The following ERBB4 variants were observed in gnomAD, a reference collection of about 807,000 sequenced individuals.
The protein encoded by ERBB4 is receptor tyrosine-protein kinase erbB-4.
Under a neutral mutation model 158.0 loss-of-function variants are expected in ERBB4, and 42 were observed. The ratio of observed to expected loss-of-function variants is 0.27; its 90% CI spans 0.21 to 0.34. The LOEUF (loss-of-function observed/expected upper bound fraction) is 0.34, where lower values mean the gene tolerates loss of function less well. Ranked by LOEUF, ERBB4 falls within the 10% of genes least tolerant of loss-of-function variation. The pLI is 1.00. For synonymous variants in ERBB4, 583 were observed against 558.7 expected, an observed-to-expected ratio of 1.04 and a Z score of -0.61; for missense variants, 1,333 against 1,624.1, an observed-to-expected ratio of 0.82 and a Z score of 3.08.
chr2:212,008,054 T>C (rs1177172530), intron 2 of ERBB4, among the ~76,000 whole-genome samples: 1 of 152,084 alleles, frequency 6.6e-6, no homozygotes, highest in African/African-American at 2.4e-5. Context: ...TCATCTATTT[T>C]ATTTCTAAAA....
chr2:211,736,265 T>C (rs2074597529), intron 5 of ERBB4, among the ~76,000 whole-genome samples: 1 of 152,226 alleles, frequency 6.6e-6, no homozygotes, highest in African/African-American at 2.4e-5. Flanking sequence ...AATAACAATT[T>C]ACAGTACAAA....
intron 1 of ERBB4, among the ~76,000 whole-genome samples, chr2:212,158,079 C>T (rs1304889743): frequency 6.6e-6 from 1 of 151,958 alleles, no homozygotes; most frequent in East Asian, 1.9e-4. Context: ...GAGTCTGGTC[C>T]CTGTGCTAAG....
intron 20 of ERBB4, among the ~76,000 whole-genome samples, chr2:211,494,573 G>A (rs1263856389): frequency 6.6e-6 from 1 of 152,058 alleles, no homozygotes; most frequent in African/African-American, 2.4e-5. Flanking sequence ...TTTTCTTCTT[G>A]ATATGCTTTT....
chr2:211,390,590 C>G (rs1247980307), intron 25 of ERBB4, among the ~76,000 whole-genome samples: 11 of 152,180 alleles, frequency 7.2e-5, no homozygotes, highest in Admixed American at 7.2e-4. Context: ...AGTTTATTAT[C>G]TATATTCATT....
intron 1 of ERBB4, among the ~76,000 whole-genome samples, chr2:212,497,136 C>G (rs926273890): frequency 1.3e-5 from 2 of 149,382 alleles, no homozygotes; most frequent in Non-Finnish European, 3.0e-5. Flanking sequence ...CGAGATCACA[C>G]CATTGCACTC....
At chr2:212,193,827 A>C (rs77221954) in intron 1 of ERBB4, among the ~76,000 whole-genome samples, 22,372 of 152,120 alleles carry the variant, frequency 0.15, 2,272 homozygotes, top group Non-Finnish European at 0.22. Context: ...AATACTAAAA[A>C]ATATGTCATT....
At chr2:211,754,370 G>T (rs12052854) in intron 4 of ERBB4, among the ~76,000 whole-genome samples, 46,704 of 150,332 alleles carry the variant, frequency 0.31, 7,424 homozygotes, top group South Asian at 0.43. Context: ...GTCTCAACCT[G>T]GTACGTGATT....
rs71409856 is a variant in ERBB4, at chr2:211,701,756, CAAAAAA to C, written c.1489+205_1489+210del. On this transcript the variant is annotated intron_variant, in intron 12 of 27. Coordinates refer to ENST00000342788, the MANE Select transcript of ERBB4 (RefSeq NM_005235.3). ...GGGGCAACAGAGCGAGACTCCGTCT[CAAAAAA>C]AAAAAAAAAAAAAAAAAAAAAAGAA... Among the ~76,000 whole-genome samples the C allele has an allele frequency of 0.24, 15,546 of 66,150 alleles. 711 individuals are homozygous for C. The highest frequency in any genetic ancestry group is 0.28 in the Non-Finnish European group (8,898 of 31,888). 43.4% of individuals were successfully genotyped at this position (66,150 alleles called of 152,430 possible).
intron 1 of ERBB4, among the ~76,000 whole-genome samples, chr2:212,296,659 G>T (rs1362757780): frequency 1.3e-5 from 2 of 151,894 alleles, no homozygotes; most frequent in East Asian, 1.9e-4. Flanking sequence ...CCTCTGGACT[G>T]CATCTTGTTT....
chr2:212,218,012 T>C (rs1029774350), intron 1 of ERBB4, among the ~76,000 whole-genome samples: 2 of 151,288 alleles, frequency 1.3e-5, no homozygotes, highest in African/African-American at 4.8e-5. Flanking sequence ...AAAAGTATAT[T>C]TATTGAATAC....
chr2:212,230,484 T>C (rs1292472851), intron 1 of ERBB4, among the ~76,000 whole-genome samples: 3 of 152,148 alleles, frequency 2.0e-5, no homozygotes, highest in Non-Finnish European at 4.4e-5. Flanking sequence ...TTTTGTCAAA[T>C]TGCCAAATTC....
intron 2 of ERBB4, among the ~76,000 whole-genome samples, chr2:212,055,178 G>T (rs998124222): frequency 6.6e-6 from 1 of 152,192 alleles, no homozygotes; most frequent in Non-Finnish European, 1.5e-5. Context: ...AGGGTCCCAC[G>T]CCCACAGAGC....
chr2:212,413,667 T>A (rs1306330814), intron 1 of ERBB4, among the ~76,000 whole-genome samples: 3 of 152,152 alleles, frequency 2.0e-5, no homozygotes, highest in Non-Finnish European at 4.4e-5. Context: ...GGCCCTGGGC[T>A]TGAAATCATT....
At chr2:212,343,333 T>G (rs2088814526) in intron 1 of ERBB4, among the ~76,000 whole-genome samples, 2 of 152,170 alleles carry the variant, frequency 1.3e-5, no homozygotes, top group Non-Finnish European at 1.5e-5. Flanking sequence ...TGTCTATTGC[T>G]TTAATCTATG....
intron 2 of ERBB4, among the ~76,000 whole-genome samples, chr2:212,053,204 G>A (rs571806598): frequency 5.9e-5 from 9 of 152,026 alleles, no homozygotes; most frequent in Middle Eastern, 6.8e-3. Flanking sequence ...AAATAAAATG[G>A]TACATATCAT....
chr2:212,317,525 C>G (rs1312449946), intron 1 of ERBB4, among the ~76,000 whole-genome samples: 6 of 151,522 alleles, frequency 4.0e-5, no homozygotes, highest in Non-Finnish European at 5.9e-5. Flanking sequence ...ATTTTTAATT[C>G]AAGAGATCCT....
intron 12 of ERBB4, among the ~76,000 whole-genome samples, chr2:211,681,152 T>C (rs6741480): frequency 6.6e-6 from 1 of 151,918 alleles, no homozygotes; most frequent in Non-Finnish European, 1.5e-5. Context: ...TATATAATTA[T>C]GTTGAGTTTC....
chr2:212,516,170 T>A (rs1691831353), intron 1 of ERBB4, among the ~76,000 whole-genome samples: 1 of 151,926 alleles, frequency 6.6e-6, no homozygotes, highest in African/African-American at 2.4e-5. Context: ...ATCAAGAAAG[T>A]ATTTACAAAC....
At chr2:211,492,639 C>A (rs1013121882) in intron 20 of ERBB4, among the ~76,000 whole-genome samples, 4 of 152,030 alleles carry the variant, frequency 2.6e-5, no homozygotes, top group Non-Finnish European at 4.4e-5. Flanking sequence ...AGCACAACAA[C>A]AATTTTAAAA....
Sources: gnomAD v4.1 joint callset for allele counts (sites outside exome capture counted in the v4.1 genomes callset) on GRCh38, gnomAD v4.1.1 for gene constraint, MANE v1.5 for transcripts, NCBI Gene and HGNC (gene_info 2026-07-23, HGNC 2026-07-21) for gene names.